Variants in TMC2 observed in about 807,000 individuals in gnomAD.
TMC2 encodes transmembrane channel-like protein 2.
In TMC2, 102 loss-of-function variants were observed where a neutral mutation model predicts 105.9. The ratio of observed to expected loss-of-function variants is 0.96; its 90% CI spans 0.82 to 1.14. The LOEUF (loss-of-function observed/expected upper bound fraction) is 1.14. Ranked by LOEUF, TMC2 falls within the 50% of genes most tolerant of loss-of-function variation. The pLI is 0.00. For synonymous variants in TMC2, 402 were observed against 422.8 expected (o/e 0.95, Z 0.60); for missense variants, 1,093 against 1,134.3 (o/e 0.96, Z 0.52).
Position 2,560,109 on chromosome 20 carries a change from G to T in TMC2, c.401+1335G>T, listed in dbSNP as rs80216721. On this transcript the variant is annotated intron_variant, in intron 3 of 19. Transcript: ENST00000358864. Reference sequence around the variant, plus strand: ...ATTCCCCGGGTGCTGGGCCATCAGGGTTCCTCCATGGAGAAGGTGAACATC... The same window carrying T: ...ATTCCCCGGGTGCTGGGCCATCAGGTTTCCTCCATGGAGAAGGTGAACATC... Among the ~76,000 whole-genome samples the T allele has an allele frequency of 1.7e-3, 264 of 152,210 alleles. 3 individuals carry two copies. In the East Asian group the frequency reaches 0.023, roughly 13 times the overall value.
chr20:2,581,793 T>C (rs1455950424), intron 7 of TMC2, among the ~76,000 whole-genome samples: 1 of 152,212 alleles, frequency 6.6e-6, no homozygotes, highest in Non-Finnish European at 1.5e-5. Context: ...AAAGAGAACA[T>C]TAAATTTGGT....
At chr20:2,639,881 A>T (rs1400974366) in intron 19 of TMC2, among the ~76,000 whole-genome samples, 2 of 152,210 alleles carry the variant, frequency 1.3e-5, no homozygotes, top group East Asian at 3.8e-4. Context: ...TTTTCCAGAG[A>T]TCATCTCTGT....
chr20:2,621,163 C>T (rs997206645), intron 16 of TMC2, among the ~76,000 whole-genome samples: 2 of 152,102 alleles, frequency 1.3e-5, no homozygotes, highest in Admixed American at 6.5e-5. Context: ...GAGTTCAAGA[C>T]CAGCCTGGCC....
chr20:2,559,680 C>T (rs1203727434), intron 3 of TMC2, among the ~76,000 whole-genome samples: 1 of 152,162 alleles, frequency 6.6e-6, no homozygotes, highest in Non-Finnish European at 1.5e-5. Flanking sequence ...TCCACCTTTA[C>T]AGAGAGGCTT....
intron 5 of TMC2, 133 bp downstream of exon 5, chr20:2,572,402 C>T (rs879345435): frequency 4.5e-6 from 3 of 664,030 alleles, no homozygotes; most frequent in Non-Finnish European, 8.1e-6. Context: ...TGAGGGCCAC[C>T]TGACCATTCT....
chr20:2,571,321 C>A (rs548214557), intron 4 of TMC2, among the ~76,000 whole-genome samples: 10 of 152,190 alleles, frequency 6.6e-5, no homozygotes, highest in African/African-American at 1.4e-4. Context: ...CAAATAACTC[C>A]ATTAAAAAGT....
intron 7 of TMC2, among the ~76,000 whole-genome samples, chr20:2,583,038 T>G (rs552631897): frequency 2.6e-5 from 4 of 152,318 alleles, no homozygotes; most frequent in South Asian, 4.1e-4. Flanking sequence ...GAAAATCACC[T>G]GGGGGACTTT....
At chr20:2,573,561 C>CTTTT (rs370771531) in intron 5 of TMC2, among the ~76,000 whole-genome samples, 32 of 116,992 alleles carry the variant, frequency 2.7e-4, no homozygotes, top group South Asian at 8.2e-4. Context: ...CTTTTCTTTT[C>CTTTT]TTTTTTTTTT....
In TMC2 at chr20:2,642,534, T is replaced by A. The variant is rs2086696214; in HGVS notation, c.*1183T>A. Reference sequence around the variant, plus strand: ...TGAAGATGGTTTCTCTGAAGAGTTTTGCAAAAGGTACAATGCAGAGCGTTG... The same window carrying A: ...TGAAGATGGTTTCTCTGAAGAGTTTAGCAAAAGGTACAATGCAGAGCGTTG... On this transcript the variant is annotated 3_prime_UTR_variant, in exon 20 of 20. Coordinates refer to ENST00000358864, the MANE Select transcript of TMC2 (RefSeq NM_080751.3). Among the ~76,000 whole-genome samples the A allele has an allele frequency of 6.6e-6, 1 of 152,236 alleles. No individual in the cohort carries two copies. Among genetic ancestry groups the A allele is most frequent in the South Asian group, 2.1e-4 (1 of 4,834 alleles).
chr20:2,551,977 G>C (rs2085959331), intron 2 of TMC2, among the ~76,000 whole-genome samples: 2 of 152,116 alleles, frequency 1.3e-5, no homozygotes, highest in South Asian at 4.1e-4. Context: ...TTAGAATCAG[G>C]GCTGGGTGCA....
rs143970919 is a variant in TMC2 at position 2,594,963 on chromosome 20, C to A, written c.1072C>A (p.Arg358=). 1.9e-5 allele frequency: 31 copies of A among 1,613,072 alleles called. No individual in the cohort carries two copies. Among genetic ancestry groups the A allele is most frequent in the Non-Finnish European group, 2.4e-5 (28 of 1,179,612 alleles). The change falls in exon 9 of 20, where the codon CGA becomes AGA. Residue 358 remains arginine (R), a synonymous_variant. Coordinates refer to ENST00000358864, the MANE Select transcript of TMC2 (RefSeq NM_080751.3). The part of the protein sequence containing the change: ...VFGYSLIIVI[R]SMASNTQGST... ...CGGCTACAGCCTGATTATTGTCATT[C>A]GATCGTAAGTATGACCGTCTCATCC...
intron 17 of TMC2, among the ~76,000 whole-genome samples, chr20:2,627,447 C>CA (rs1171625285): frequency 1.3e-5 from 2 of 152,288 alleles, no homozygotes; most frequent in African/African-American, 4.8e-5. Context: ...TATTTATCTG[C>CA]AATTTGTTCT....
At chr20:2,596,951 G>C (rs1294324279) in intron 9 of TMC2, among the ~76,000 whole-genome samples, 200 bp from the exon 10 acceptor site, 1 of 152,080 alleles carries the variant, frequency 6.6e-6, no homozygotes, top group Non-Finnish European at 1.5e-5. Context: ...GCTTTCAGGG[G>C]ACTCTGAATT....
intron 2 of TMC2, among the ~76,000 whole-genome samples, chr20:2,548,281 A>G (rs1421462901): frequency 6.6e-6 from 1 of 152,274 alleles, no homozygotes; most frequent in Non-Finnish European, 1.5e-5. Context: ...TTTTAAAAAA[A>G]GAAGCAAAAG....
At chr20:2,602,554 C>A (rs2146224548) in intron 11 of TMC2, among the ~76,000 whole-genome samples, 1 of 152,328 alleles carries the variant, frequency 6.6e-6, no homozygotes, top group Non-Finnish European at 1.5e-5. Context: ...ACACCAATTA[C>A]TAACGAGGCG....
At chr20:2,553,034 ACTAT>A (rs1433243191) in intron 2 of TMC2, among the ~76,000 whole-genome samples, 1 of 152,178 alleles carries the variant, frequency 6.6e-6, no homozygotes, top group African/African-American at 2.4e-5. Context: ...AGACAATTAT[ACTAT>A]CTGTGAACAA....
chr20:2,617,874 C>A (rs1311131888), intron 16 of TMC2: 2 of 154,396 alleles, frequency 1.3e-5, no homozygotes, highest in African/African-American at 4.8e-5. Context: ...CAATGCCCAA[C>A]TAATTTTTGT....
chr20:2,623,890 T>C lies in TMC2; in HGVS notation c.2181-381T>C, dbSNP rs2086544839. On this transcript the variant is annotated intron_variant, in intron 16 of 19. Transcript: ENST00000358864. ...GCACATCAGCTTCTGCAGAACTGTT[T>C]CCCAGGCCCAAAGGAAGCTCCATGT... Among the ~76,000 whole-genome samples, 6 of 152,344 alleles carry C rather than the reference T, an allele frequency of 3.9e-5. No individual in the cohort carries two copies. In the South Asian group the frequency reaches 1.2e-3, roughly 32 times the overall value.
At chr20:2,570,215 C>T (rs959199818) in intron 4 of TMC2, among the ~76,000 whole-genome samples, 6 of 152,044 alleles carry the variant, frequency 3.9e-5, no homozygotes, top group Non-Finnish European at 8.8e-5. Flanking sequence ...TCTCTCTTTG[C>T]TGATTATATG....
Sources: gnomAD v4.1 joint callset for allele counts (sites outside exome capture counted in the v4.1 genomes callset) on GRCh38, gnomAD v4.1.1 for gene constraint, MANE v1.5 for transcripts, NCBI Gene and HGNC (gene_info 2026-07-23, HGNC 2026-07-21) for gene names.